Variants in C1orf87 observed in about 807,000 individuals in gnomAD.
The protein encoded by C1orf87 is chromosome 1 open reading frame 87, also known as uncharacterized protein C1orf87.
C1orf87 carries 58 observed loss-of-function variants against 60.5 expected under a neutral mutation model. That is an observed-to-expected ratio of 0.96 (90% CI 0.78 to 1.19). The LOEUF (loss-of-function observed/expected upper bound fraction) is 1.19. Among genes scored for constraint, C1orf87 ranks in the 50% most tolerant of loss-of-function variants. The pLI, the probability that C1orf87 is intolerant of heterozygous loss-of-function variation, is 0.00. For synonymous variants in C1orf87, 236 were observed against 227.4 expected (o/e 1.04, Z -0.34); for missense variants, 673 against 638.6 (o/e 1.05, Z -0.58).
chr1:60,006,419 G>A (rs992571860), intron 9 of C1orf87, among the ~76,000 whole-genome samples: 1 of 152,086 alleles, frequency 6.6e-6, no homozygotes, highest in African/African-American at 2.4e-5. Flanking sequence ...TTAGTAACTA[G>A]TATGAGTATT....
At chr1:60,018,278 G>A (rs1557462660) in intron 8 of C1orf87, among the ~76,000 whole-genome samples, 1 of 152,146 alleles carries the variant, frequency 6.6e-6, no homozygotes, top group African/African-American at 2.4e-5. Flanking sequence ...GACTGTTTAG[G>A]GATGAAACAG....
At chr1:60,031,488 A>G (rs993895635) in intron 7 of C1orf87, among the ~76,000 whole-genome samples, 15 of 152,288 alleles carry the variant, frequency 9.8e-5, no homozygotes, top group African/African-American at 3.1e-4. Context: ...CCAGACCTCA[A>G]TGTGGCCATC....
At chr1:60,058,652 A>G (rs531534438) in intron 2 of C1orf87, among the ~76,000 whole-genome samples, 1 of 152,316 alleles carries the variant, frequency 6.6e-6, no homozygotes, top group East Asian at 1.9e-4. Context: ...TTTAGAATGA[A>G]GAAATTAAGG....
At chr1:60,030,063 G>A (rs17120017) in intron 7 of C1orf87, among the ~76,000 whole-genome samples, 1,582 of 152,140 alleles carry the variant, frequency 0.01, 41 homozygotes, top group African/African-American at 0.035. Context: ...AGTTACTGCC[G>A]TCATTGCACT....
intron 11 of C1orf87, among the ~76,000 whole-genome samples, chr1:59,992,164 AAGGT>A (rs1644928273): frequency 6.6e-6 from 1 of 152,156 alleles, no homozygotes; most frequent in Admixed American, 6.5e-5. Flanking sequence ...TTGATTGCCT[AAGGT>A]TAACCACTAC....
At chr1:60,056,571 T>C (rs1399487012) in intron 2 of C1orf87, among the ~76,000 whole-genome samples, 1 of 152,196 alleles carries the variant, frequency 6.6e-6, no homozygotes, top group African/African-American at 2.4e-5. Context: ...TAAGTGAATA[T>C]ATGATTGTCT....
At chr1:60,017,880 C>G (rs999318603) in intron 8 of C1orf87, among the ~76,000 whole-genome samples, 1 of 152,158 alleles carries the variant, frequency 6.6e-6, no homozygotes, top group African/African-American at 2.4e-5. Context: ...AAAACAACAA[C>G]AACTTTGTAA....
intron 2 of C1orf87, among the ~76,000 whole-genome samples, chr1:60,066,626 T>C (rs1645547974): frequency 1.3e-5 from 2 of 152,178 alleles, no homozygotes; most frequent in South Asian, 4.1e-4. Context: ...AATCAACTTA[T>C]TCCAAACTCT....
chr1:59,990,604 G>A lies in C1orf87; in HGVS notation c.*69C>T. On this transcript the variant is annotated 3_prime_UTR_variant, in exon 12 of 12. Transcript: ENST00000371201. ...TGCCTCCGCCACTACACTTAGGCTG[G>A]GGAGAAACATGTGTCTGGGTAAAAA... The A allele has an allele frequency of 1.3e-6, 2 of 1,560,742 alleles. No individual in the cohort carries two copies. The highest frequency in any genetic ancestry group is 1.8e-6 in the Non-Finnish European group (2 of 1,142,614).
rs541629020 is a variant in C1orf87, at chr1:60,037,682, A to C, written c.863+310T>G. ...TTGTTGCATTAGGGATTAAGCTTCC[A>C]ACACATGAACTTTGGGAAACACATT... On this transcript the variant is annotated intron_variant, in intron 6 of 11. Coordinates refer to ENST00000371201, the MANE Select transcript of C1orf87 (RefSeq NM_152377.3). Among the ~76,000 whole-genome samples the C allele has an allele frequency of 8.5e-5, 13 of 152,336 alleles. No homozygotes were observed. In the South Asian group the frequency reaches 2.7e-3, roughly 32 times the overall value.
chr1:60,055,467 A>T (rs372141589), intron 2 of C1orf87, 29 bp from the exon 3 acceptor site: 2 of 1,592,154 alleles, frequency 1.3e-6, no homozygotes, highest in Non-Finnish European at 1.7e-6. Context: ...ATACTTTGTT[A>T]CTTACAGGCA....
chr1:60,037,773 G>A (rs1247057785), intron 6 of C1orf87, among the ~76,000 whole-genome samples: 1 of 152,152 alleles, frequency 6.6e-6, no homozygotes, highest in Non-Finnish European at 1.5e-5. Context: ...CTGCCATGTG[G>A]GGATACAGGG....
intron 10 of C1orf87, among the ~76,000 whole-genome samples, chr1:59,999,461 A>G (rs1345327668): frequency 6.6e-6 from 1 of 152,166 alleles, no homozygotes; most frequent in Non-Finnish European, 1.5e-5. Context: ...ATACATTTTG[A>G]TGGATAATTT....
chr1:60,023,114 A>G (rs1028136983), intron 8 of C1orf87, among the ~76,000 whole-genome samples: 4 of 152,136 alleles, frequency 2.6e-5, no homozygotes, highest in Admixed American at 2.0e-4. Context: ...GTGTGCTTTT[A>G]AGGTTTTTTC....
chr1:60,051,242 A>G (rs1198939127), intron 3 of C1orf87, among the ~76,000 whole-genome samples: 3 of 152,192 alleles, frequency 2.0e-5, no homozygotes, highest in African/African-American at 7.2e-5. Flanking sequence ...GGGATTTAAC[A>G]AGGGAATTTA....
chr1:60,061,776 C>CAAAAAAAAAAAA (rs57844722), intron 2 of C1orf87, among the ~76,000 whole-genome samples: 1 of 53,156 alleles, frequency 1.9e-5, no homozygotes, highest in Non-Finnish European at 3.4e-5. Flanking sequence ...CCATCTCTAC[C>CAAAAAAAAAAAA]AAAAAAAAAA....
At position 60,055,171 on chromosome 1, in the gene C1orf87, T is replaced by C. The variant is rs755085458; in HGVS notation, c.342+33A>G. 1.2e-5 allele frequency: 18 copies of C among 1,520,070 alleles called. No homozygotes were observed. The South Asian group carries it at 2.0e-4, about 17-fold the overall frequency. The allele number at this position is 1,520,070 out of a possible 1,614,324, so 94.2% of individuals were successfully genotyped here. ...TTATCTATATTTTCCTAATAAATTATCAAGATAAACGTGGGTATTTTTTGT... is the reference window on the plus strand; with the variant it reads ...TTATCTATATTTTCCTAATAAATTACCAAGATAAACGTGGGTATTTTTTGT... On this transcript the variant is annotated intron_variant, in intron 3 of 11. Coordinates refer to ENST00000371201, the MANE Select transcript of C1orf87 (RefSeq NM_152377.3).
intron 4 of C1orf87, among the ~76,000 whole-genome samples, chr1:60,040,628 G>A (rs957457624): frequency 2.0e-5 from 3 of 152,292 alleles, no homozygotes; most frequent in African/African-American, 7.2e-5. Flanking sequence ...GGAGGAAGGT[G>A]CGAGGAGCAT....
At chr1:60,021,376 A>T (rs1645162270) in intron 8 of C1orf87, among the ~76,000 whole-genome samples, 1 of 152,190 alleles carries the variant, frequency 6.6e-6, no homozygotes, top group Non-Finnish European at 1.5e-5. Context: ...ACACAATTAC[A>T]AATACTGATA....
Sources: allele counts gnomAD v4.1 joint callset (sites outside exome capture counted in the v4.1 genomes callset), GRCh38; gene constraint gnomAD v4.1.1; transcripts MANE v1.5; gene names NCBI Gene and HGNC (gene_info 2026-07-23, HGNC 2026-07-21).